FLI1: variants seen among roughly 807,000 people sequenced by gnomAD.
The protein encoded by FLI1 is Friend leukemia integration 1 transcription factor.
A neutral mutation model predicts 53.1 loss-of-function variants in FLI1; 13 were observed. That is an observed-to-expected ratio of 0.24 (90% CI 0.16 to 0.39). FLI1 has a LOEUF of 0.39. Among genes scored for constraint, FLI1 ranks in the 10% least tolerant of loss-of-function variants. The pLI, the probability that FLI1 is intolerant of heterozygous loss-of-function variation, is 1.00. For missense variants in FLI1, 424 were observed against 600.5 expected (o/e 0.71, Z 3.07); for synonymous variants, 244 against 236.7 (o/e 1.03, Z -0.28).
intron 6 of FLI1, 158 bp downstream of exon 6, chr11:128,805,589 C>A (rs1942761077): frequency 1.7e-6 from 1 of 573,376 alleles, no homozygotes; most frequent in African/African-American, 1.9e-5. Context: ...TTCCATGATA[C>A]CAGTCCTTGA....
intron 1 of FLI1, among the ~76,000 whole-genome samples, chr11:128,731,598 GA>G (rs1020863259): frequency 6.6e-6 from 1 of 152,026 alleles, no homozygotes; most frequent in African/African-American, 2.4e-5. Flanking sequence ...GAACTTGCAT[GA>G]AAAATCATTT....
chr11:128,782,150 C>T (rs1265745243), intron 5 of FLI1, 127 bp downstream of exon 5: 5 of 784,850 alleles, frequency 6.4e-6, no homozygotes, highest in Non-Finnish European at 4.0e-6. Context: ...CATACAAAGA[C>T]AAGCCAAAAT....
chr11:128,708,465 G>C (rs532897654), intron 1 of FLI1, among the ~76,000 whole-genome samples: 2 of 152,050 alleles, frequency 1.3e-5, no homozygotes, highest in Non-Finnish European at 2.9e-5. Context: ...TTTATATATC[G>C]GTCCCTCTAA....
intron 1 of FLI1, among the ~76,000 whole-genome samples, chr11:128,757,833 C>T (rs1940951196): frequency 6.6e-6 from 1 of 152,228 alleles, no homozygotes; most frequent in Admixed American, 6.5e-5. Flanking sequence ...CCCCACCCTC[C>T]TTTTTGGGGG....
chr11:128,694,827 C>T (rs543830531), intron 1 of FLI1, among the ~76,000 whole-genome samples: 3 of 152,240 alleles, frequency 2.0e-5, no homozygotes, highest in Admixed American at 6.5e-5. Context: ...TCTGAGCGGG[C>T]TCCTCCAGAT....
At position 128,694,203 on chromosome 11, in the gene FLI1, G is replaced by T; in HGVS notation, c.-56G>T. 6.6e-7 allele frequency: 1 copy of T among 1,521,650 alleles called. No individual in the cohort carries two copies. Among genetic ancestry groups the T allele is most frequent in the Non-Finnish European group, 8.8e-7 (1 of 1,135,502 alleles). The allele number at this position is 1,521,650 out of a possible 1,614,324, so 94.3% of individuals were successfully genotyped here. A position where few individuals can be genotyped will look rare whatever the true frequency, so the allele number is the denominator to read the frequency against. The stretch of plus-strand genomic sequence containing the variant: ...TAATCCGAAGGGGCTGCGAGGTCAG[G>T]CTGTAACCGGGTCAATGTGTGGAAT... On this transcript the variant is annotated 5_prime_UTR_variant, in exon 1 of 9. Transcript: ENST00000527786.
upstream of FLI1, among the ~76,000 whole-genome samples, chr11:128,691,179 CA>C (rs199516800): frequency 7.7e-3 from 1,167 of 152,318 alleles, 18 homozygotes; most frequent in African/African-American, 0.026. Context: ...CTCGTGAAAA[CA>C]ATGTGAGCTG....
chr11:128,771,339 A>G (rs1489656109), intron 3 of FLI1, among the ~76,000 whole-genome samples: 1 of 152,248 alleles, frequency 6.6e-6, no homozygotes, highest in Non-Finnish European at 1.5e-5. Context: ...ACTCTCGTGC[A>G]TGGGCAGGGC....
chr11:128,742,049 C>A (rs1408386368), intron 1 of FLI1, among the ~76,000 whole-genome samples: 1 of 152,200 alleles, frequency 6.6e-6, no homozygotes, highest in South Asian at 2.1e-4. Flanking sequence ...AATTCAGACT[C>A]TTTTCTCCTT....
chr11:128,746,759 G>A (rs1940408398), intron 1 of FLI1, among the ~76,000 whole-genome samples: 1 of 152,128 alleles, frequency 6.6e-6, no homozygotes, highest in Admixed American at 6.5e-5. Context: ...AGCTCTTGGT[G>A]GTCAGGGAAG....
intron 1 of FLI1, among the ~76,000 whole-genome samples, chr11:128,730,332 C>T (rs144666318): frequency 7.9e-5 from 12 of 152,314 alleles, no homozygotes; most frequent in East Asian, 1.9e-4. Context: ...CACACGTTTA[C>T]GCTCACCTTT....
intron 2 of FLI1, among the ~76,000 whole-genome samples, chr11:128,765,020 C>T (rs898066543): frequency 6.7e-6 from 1 of 149,406 alleles, no homozygotes; most frequent in East Asian, 2.0e-4. Context: ...GATCACCTGT[C>T]CAGCTGGAGA....
chr11:128,732,518 G>A (rs1939741526), intron 1 of FLI1, among the ~76,000 whole-genome samples: 1 of 152,156 alleles, frequency 6.6e-6, no homozygotes, highest in African/African-American at 2.4e-5. Flanking sequence ...TAGTCCAATG[G>A]GAGAGCGACA....
chr11:128,801,783 G>A (rs1457088719), intron 5 of FLI1, among the ~76,000 whole-genome samples: 1 of 152,204 alleles, frequency 6.6e-6, no homozygotes, highest in African/African-American at 2.4e-5. Flanking sequence ...AATACTTAGA[G>A]TCTACTAACT....
At chr11:128,764,770 G>T in intron 2 of FLI1, 1 of 1,591,450 alleles carries the variant, frequency 6.3e-7, no homozygotes, top group Non-Finnish European at 8.5e-7. Context: ...GAGGAGGCAC[G>T]GTGCTTGGGA....
intron 5 of FLI1, chr11:128,804,455 A>T (rs1245778461): frequency 6.6e-6 from 1 of 152,234 alleles, no homozygotes; most frequent in Non-Finnish European, 1.5e-5. Context: ...TAGTTAGTTA[A>T]GCAATTTCTC....
intron 4 of FLI1, 122 bp from the exon 5 acceptor site, chr11:128,781,836 G>T: frequency 1.3e-6 from 1 of 772,124 alleles, no homozygotes; most frequent in Non-Finnish European, 2.3e-6. Flanking sequence ...CTTCCTAGGA[G>T]TCCTCTGTCC....
chr11:128,718,720 G>C (rs539164842), intron 1 of FLI1, among the ~76,000 whole-genome samples: 1 of 152,212 alleles, frequency 6.6e-6, no homozygotes, highest in African/African-American at 2.4e-5. Flanking sequence ...CCTTTCTACT[G>C]CCTGTCCAAG....
At chr11:128,689,796 G>A (rs1937663441), upstream of FLI1, among the ~76,000 whole-genome samples, 1 of 152,214 alleles carries the variant, frequency 6.6e-6, no homozygotes. Context: ...CTCCCTCGGG[G>A]TTTCCTCAGC....
Sources: allele counts gnomAD v4.1 joint callset (sites outside exome capture counted in the v4.1 genomes callset), GRCh38; gene constraint gnomAD v4.1.1; transcripts MANE v1.5; gene names NCBI Gene and HGNC (gene_info 2026-07-23, HGNC 2026-07-21).